ADAMTS17: variants seen among roughly 807,000 people sequenced by gnomAD.
ADAMTS17 encodes the protein A disintegrin and metalloproteinase with thrombospondin motifs 17.
Under a neutral mutation model 141.5 loss-of-function variants are expected in ADAMTS17, and 113 were observed. The observed-to-expected ratio is 0.80, with a 90% confidence interval of 0.69 to 0.93. The LOEUF is 0.93. ADAMTS17 is among the 40% of genes least tolerant of loss of function. The pLI, the probability that ADAMTS17 is intolerant of heterozygous loss-of-function variation, is 0.00. For synonymous variants in ADAMTS17, 768 were observed against 630.6 expected, an observed-to-expected ratio of 1.22 and a Z score of -3.27; for missense variants, 1,659 against 1,517.9, an observed-to-expected ratio of 1.09 and a Z score of -1.54.
intron 7 of ADAMTS17, among the ~76,000 whole-genome samples, chr15:100,220,669 A>G (rs1288326417): frequency 6.6e-6 from 1 of 152,164 alleles, no homozygotes; most frequent in African/African-American, 2.4e-5. Context: ...GTGAGATCAC[A>G]GCCCACTTCC....
intron 3 of ADAMTS17, among the ~76,000 whole-genome samples, chr15:100,315,232 T>A (rs1445477868): frequency 6.6e-6 from 1 of 152,008 alleles, no homozygotes; most frequent in Non-Finnish European, 1.5e-5. Flanking sequence ...GGATAAGGAG[T>A]CCACCGTGCA....
At chr15:100,199,564 G>A (rs2041243972) in intron 7 of ADAMTS17, 141 bp from the exon 8 acceptor site, 1 of 771,120 alleles carries the variant, frequency 1.3e-6, no homozygotes, top group Non-Finnish European at 2.3e-6. Flanking sequence ...GCCCACCTGG[G>A]AAGGGTTTGT....
chr15:100,041,156 G>A (rs942052575), intron 18 of ADAMTS17, among the ~76,000 whole-genome samples: 1 of 152,174 alleles, frequency 6.6e-6, no homozygotes, highest in Non-Finnish European at 1.5e-5. Context: ...AGGCCAGCCT[G>A]ATTAAGATAA....
intron 3 of ADAMTS17, among the ~76,000 whole-genome samples, chr15:100,318,740 A>G (rs565613367): frequency 4.2e-4 from 64 of 152,364 alleles, no homozygotes; most frequent in African/African-American, 1.5e-3. Flanking sequence ...TCACGCCTGT[A>G]AGTGAGTGAA....
intron 8 of ADAMTS17, among the ~76,000 whole-genome samples, chr15:100,181,924 C>A (rs574491029): frequency 6.6e-6 from 1 of 152,274 alleles, no homozygotes; most frequent in South Asian, 2.1e-4. Flanking sequence ...CCCAAACTGC[C>A]TTTCACGTTT....
chr15:100,202,396 T>G (rs1267133626), intron 7 of ADAMTS17, among the ~76,000 whole-genome samples: 1 of 152,220 alleles, frequency 6.6e-6, no homozygotes, highest in East Asian at 1.9e-4. Flanking sequence ...CTTTTAATGA[T>G]TTATTCCAGT....
chr15:100,331,084 T>A (rs781656956), intron 2 of ADAMTS17, 30 bp from the exon 3 acceptor site: 13 of 1,613,616 alleles, frequency 8.1e-6, no homozygotes, highest in Non-Finnish European at 1.1e-5. Flanking sequence ...AAACGCGATG[T>A]CGGTCATCCT....
intron 8 of ADAMTS17, among the ~76,000 whole-genome samples, chr15:100,157,470 T>C (rs909801396): frequency 1.6e-4 from 25 of 152,194 alleles, no homozygotes; most frequent in African/African-American, 5.8e-4. Flanking sequence ...GAGTCATTTC[T>C]GAAAAGGGAG....
chr15:100,238,901 C>A (rs964651726), intron 7 of ADAMTS17, among the ~76,000 whole-genome samples: 1 of 152,122 alleles, frequency 6.6e-6, no homozygotes, highest in African/African-American at 2.4e-5. Flanking sequence ...CCTGGCCAAC[C>A]TGAAACAGGT....
chr15:100,246,761 G>C (rs1164439006), intron 7 of ADAMTS17, among the ~76,000 whole-genome samples: 2 of 151,938 alleles, frequency 1.3e-5, no homozygotes, highest in Non-Finnish European at 2.9e-5. Flanking sequence ...TTTCATCATA[G>C]CTTTAATTTT....
chr15:100,163,528 C>G (rs191701232), intron 8 of ADAMTS17, among the ~76,000 whole-genome samples: 1 of 152,248 alleles, frequency 6.6e-6, no homozygotes, highest in Non-Finnish European at 1.5e-5. Context: ...CTCTATCACC[C>G]AAGCTGGAGT....
intron 10 of ADAMTS17, among the ~76,000 whole-genome samples, chr15:100,140,484 C>CATACATATAT: frequency 2.4e-5 from 1 of 40,896 alleles, no homozygotes; most frequent in East Asian, 1.2e-3. Flanking sequence ...CACACACATA[C>CATACATATAT]ATACATATAT....
chr15:100,140,509 C>CATATATATATATA (rs1567241180), intron 10 of ADAMTS17, among the ~76,000 whole-genome samples: 2 of 102,334 alleles, frequency 2.0e-5, no homozygotes, highest in Non-Finnish European at 4.2e-5. Flanking sequence ...ATATATATAT[C>CATATATATATATA]CAGTAAAGAC....
intron 2 of ADAMTS17, among the ~76,000 whole-genome samples, chr15:100,340,524 G>A (rs1355602238): frequency 6.6e-6 from 1 of 152,186 alleles, no homozygotes; most frequent in Non-Finnish European, 1.5e-5. Flanking sequence ...GCCGTGGCCT[G>A]TCTGGGTACC....
intron 9 of ADAMTS17, among the ~76,000 whole-genome samples, chr15:100,153,854 T>A (rs922676306): frequency 1.9e-4 from 29 of 152,226 alleles, no homozygotes; most frequent in Admixed American, 6.5e-4. Context: ...ACACACTACT[T>A]GTCACCAGTG....
Position 100,101,094 on chromosome 15 carries a change from G to A in ADAMTS17, c.2017-4618C>T, listed in dbSNP as rs562556273. Among the ~76,000 whole-genome samples, 13 of 152,244 alleles carry A rather than the reference G, an allele frequency of 8.5e-5. No individual in the cohort carries two copies. The South Asian group carries it at 1.9e-3, about 22-fold the overall frequency. On this transcript the variant is annotated intron_variant, in intron 14 of 21. Transcript: ENST00000268070. ...CTCCTTTGTGCCAGCCTCCGCCCTC[G>A]TCTGTTGCTGGAATGCACCCATCTC...
At chr15:100,077,919 G>C (rs142391682) in intron 15 of ADAMTS17, among the ~76,000 whole-genome samples, 1 of 152,158 alleles carries the variant, frequency 6.6e-6, no homozygotes, top group African/African-American at 2.4e-5. Flanking sequence ...CAGGATACAA[G>C]GCCAATATAT....
At chr15:100,262,030 C>T (rs1173345221) in intron 5 of ADAMTS17, among the ~76,000 whole-genome samples, 1 of 152,142 alleles carries the variant, frequency 6.6e-6, no homozygotes, top group African/African-American at 2.4e-5. Flanking sequence ...GGTCGAAGCT[C>T]TAATGTAGTT....
At chr15:100,265,701 C>G (rs767794306) in intron 4 of ADAMTS17, among the ~76,000 whole-genome samples, 2 of 152,180 alleles carry the variant, frequency 1.3e-5, no homozygotes, top group African/African-American at 2.4e-5. Flanking sequence ...AGGCCTCCCC[C>G]CAGAGCCACA....
Sources: gnomAD v4.1 joint callset for allele counts (sites outside exome capture counted in the v4.1 genomes callset) on GRCh38, gnomAD v4.1.1 for gene constraint, MANE v1.5 for transcripts, NCBI Gene and HGNC (gene_info 2026-07-23, HGNC 2026-07-21) for gene names.